The following SF3B1 variants were observed in gnomAD, a reference collection of about 807,000 sequenced individuals.
SF3B1 encodes the protein splicing factor 3b subunit 1.
A neutral mutation model predicts 153.8 loss-of-function variants in SF3B1; 12 were observed. The observed-to-expected ratio is 0.08, with a 90% CI of 0.05 to 0.13. SF3B1 has a LOEUF of 0.13. Among genes scored for constraint, SF3B1 ranks in the 10% least tolerant of loss-of-function variants. The probability of loss-of-function intolerance (pLI) is 1.00; values close to 1 mark genes in which losing one functional copy is unlikely to be tolerated. For synonymous variants in SF3B1, 498 were observed against 525.2 expected (o/e 0.95, Z 0.71); for missense variants, 513 against 1,606.1 (o/e 0.32, Z 11.63).
At chr2:197,418,861 G>T in intron 4 of SF3B1, 4 of 1,560,988 alleles carry the variant, frequency 2.6e-6, no homozygotes, top group Non-Finnish European at 3.5e-6. Context: ...CTTCAGAAGT[G>T]ATGGGTTCCT....
Position 197,420,534 on chromosome 2 carries a change from T to C in SF3B1, c.309A>G (p.Pro103=), listed in dbSNP as rs747647915. ...DIPQSTEQYD[P]FAEHRPPKIA... ...TCTTTGGAGGTCTGTGCTCAGCAAA[T>C]GGATCATACTGAAAAGAGGTATGTC... The change falls in exon 4 of 25, where the codon CCA becomes CCG. Residue 103 remains proline (P), a synonymous_variant. Transcript: ENST00000335508. 4 of 1,598,706 alleles carry C rather than the reference T, an allele frequency of 2.5e-6. No individual in the cohort carries two copies. In the South Asian group the frequency reaches 3.4e-5, roughly 13 times the overall value.
chr2:197,434,652 C>G (rs1309627318), intron 1 of SF3B1, among the ~76,000 whole-genome samples: 1 of 152,214 alleles, frequency 6.6e-6, no homozygotes, highest in Non-Finnish European at 1.5e-5. Context: ...ACCTTCTCCC[C>G]ACGCCCGCTT....
chr2:197,428,025 T>C (rs1268309768), intron 1 of SF3B1, among the ~76,000 whole-genome samples: 1 of 151,276 alleles, frequency 6.6e-6, no homozygotes, highest in Non-Finnish European at 1.5e-5. Context: ...CTCAAATTAA[T>C]TAATTAATTA....
At chr2:197,423,388 A>G (rs2085280350) in intron 2 of SF3B1, among the ~76,000 whole-genome samples, 1 of 151,304 alleles carries the variant, frequency 6.6e-6, no homozygotes, top group Non-Finnish European at 1.5e-5. Flanking sequence ...AAAAAAAAAG[A>G]TAAGAAAAGA....
In SF3B1 at chr2:197,409,897, G is replaced by A; in HGVS notation, c.777C>T (p.Ser259=). ...GAGTAGCAGCTCCCGCTGGTGTGTG[G>A]CTAGGTGTAGGATCCCATATTTTTG... ...PGSKIWDPTP[S]HTPAGAATPG... is the part of the protein sequence containing the mutation. The change falls in exon 7 of 25, where the codon AGC becomes AGT. Residue 259 remains serine, a synonymous_variant. Transcript: ENST00000335508. The A allele has an allele frequency of 1.2e-6, 2 of 1,614,154 alleles. No individual in the cohort carries two copies. The highest frequency in any genetic ancestry group is 1.7e-6 in the Non-Finnish European group (2 of 1,180,010).
At chr2:197,420,667 G>A (rs2085225950) in intron 3 of SF3B1, 125 bp from the exon 4 acceptor site, 2 of 581,868 alleles carry the variant, frequency 3.4e-6, no homozygotes, top group Non-Finnish European at 6.1e-6. Flanking sequence ...ATTCTGTACC[G>A]TTTCACAGAT....
rs760707191 is a variant in SF3B1 at position 197,408,607 on chromosome 2, C to T, written c.905-26G>A. 5 of 1,431,578 alleles carry T rather than the reference C, an allele frequency of 3.5e-6. No homozygotes were observed. In the Admixed American group the frequency reaches 8.4e-5, roughly 24 times the overall value. The allele number at this position is 1,431,578 out of a possible 1,614,324, so 88.7% of individuals were successfully genotyped here. On this transcript the variant is annotated intron_variant, in intron 7 of 24. Transcript: ENST00000335508. The stretch of plus-strand genomic sequence containing the variant: ...CTTTAAAAAGAAAGAGTGAGTAAAA[C>T]CACAATTTTAATCACTGTTAAAATA...
At chr2:197,412,851 C>T (rs1321781353) in intron 6 of SF3B1, among the ~76,000 whole-genome samples, 5 of 149,688 alleles carry the variant, frequency 3.3e-5, no homozygotes, top group Non-Finnish European at 5.9e-5. Context: ...GTGGCAGGCA[C>T]CTGTAATCCC....
intron 11 of SF3B1, among the ~76,000 whole-genome samples, 159 bp from the exon 12 acceptor site, chr2:197,403,923 T>C (rs2084961090): frequency 6.6e-6 from 1 of 152,216 alleles, no homozygotes; most frequent in Admixed American, 6.5e-5. Context: ...TCCAAATTAC[T>C]CTGGAATTTC....
At chr2:197,396,834 A>C (rs1206535022) in intron 22 of SF3B1, among the ~76,000 whole-genome samples, 1 of 152,066 alleles carries the variant, frequency 6.6e-6, no homozygotes, top group East Asian at 1.9e-4. Flanking sequence ...ACTTAGAGGG[A>C]CATTGGGGCT....
rs1262654264 is a variant in SF3B1, at chr2:197,408,598, T to G, written c.905-17A>C. On this transcript the variant is annotated splice_polypyrimidine_tract_variant and intron_variant, in intron 7 of 24. Transcript: ENST00000335508. ...CAGGAGTATCTTTAAAAAGAAAGAG[T>G]GAGTAAAACCACAATTTTAATCACT... is the stretch of plus-strand genomic sequence containing the variant. The G allele has an allele frequency of 6.6e-7, 1 of 1,519,172 alleles. No homozygotes were observed. The highest frequency in any genetic ancestry group is 9.1e-7 in the Non-Finnish European group (1 of 1,095,664). The allele number at this position is 1,519,172 out of a possible 1,614,324, so 94.1% of individuals were successfully genotyped here.
At chr2:197,435,093 T>C, upstream of SF3B1, 3 of 1,580,534 alleles carry the variant, frequency 1.9e-6, no homozygotes, top group Non-Finnish European at 2.6e-6. Context: ...GGCTGCACTC[T>C]GCGCGTGCGC....
Position 197,400,231 on chromosome 2 carries a change from G to A in SF3B1, c.2901+21C>T, listed in dbSNP as rs1371316743. The A allele has an allele frequency of 6.2e-7, 1 of 1,612,448 alleles. No individual in the cohort carries two copies. Among genetic ancestry groups the A allele is most frequent in the Non-Finnish European group, 8.5e-7 (1 of 1,178,786 alleles). ...ATTAAACTATTTGGGGAAGAAGTAAGAATTTGATGCAAAAGTTTACCTCTT... is the reference window on the plus strand; with the variant it reads ...ATTAAACTATTTGGGGAAGAAGTAAAAATTTGATGCAAAAGTTTACCTCTT... On this transcript the variant is annotated intron_variant, in intron 19 of 24. Transcript: ENST00000335508. The surrounding 1 kb of genome is among the most constrained non-coding windows in gnomAD (Gnocchi z 5.0).
chr2:197,415,844 G>A (rs2085139446), intron 6 of SF3B1, among the ~76,000 whole-genome samples: 1 of 152,102 alleles, frequency 6.6e-6, no homozygotes, highest in Admixed American at 6.5e-5. Flanking sequence ...TCTGTCACCA[G>A]GCTGGAATGC....
At chr2:197,434,861 G>C in intron 1 of SF3B1, 111 bp downstream of exon 1, 4 of 1,202,632 alleles carry the variant, frequency 3.3e-6, no homozygotes, top group Non-Finnish European at 3.6e-6. Flanking sequence ...GCCCCGAAAC[G>C]CGGGCTCAGC....
chr2:197,431,733 A>G (rs1460912971), intron 1 of SF3B1, among the ~76,000 whole-genome samples: 3 of 152,196 alleles, frequency 2.0e-5, no homozygotes, highest in Non-Finnish European at 4.4e-5. Flanking sequence ...TTTTCATTAA[A>G]CAAAACTCCA....
intron 1 of SF3B1, among the ~76,000 whole-genome samples, chr2:197,428,462 T>A (rs1198839791): frequency 6.6e-6 from 1 of 152,252 alleles, no homozygotes; most frequent in Non-Finnish European, 1.5e-5. Context: ...ATAACAATGT[T>A]GTCTCTAACT....
intron 4 of SF3B1, 47 bp from the exon 5 acceptor site, chr2:197,418,635 A>C: frequency 6.3e-7 from 1 of 1,588,542 alleles, no homozygotes; most frequent in South Asian, 1.2e-5. Context: ...TAAATAAAAA[A>C]TAAGCAGGTT....
intron 20 of SF3B1, among the ~76,000 whole-genome samples, chr2:197,399,451 T>C (rs2084914546): frequency 6.6e-6 from 1 of 152,188 alleles, no homozygotes; most frequent in African/African-American, 2.4e-5. Flanking sequence ...AACCATTTGT[T>C]TTCTTCATAC....
Sources: allele counts gnomAD v4.1 joint callset (sites outside exome capture counted in the v4.1 genomes callset), GRCh38; gene constraint gnomAD v4.1.1; non-coding constraint Gnocchi (gnomAD v3.1); transcripts MANE v1.5; gene names NCBI Gene and HGNC (gene_info 2026-07-23, HGNC 2026-07-21).